Variants in ANKRD13A observed in about 807,000 individuals in gnomAD.
The protein encoded by ANKRD13A is ankyrin repeat domain 13A, also known as ankyrin repeat domain-containing protein 13A.
Under a neutral mutation model 81.3 loss-of-function variants are expected in ANKRD13A, and 48 were observed. The ratio of observed to expected loss-of-function variants is 0.59; its 90% confidence interval spans 0.47 to 0.75. ANKRD13A has a LOEUF of 0.75. ANKRD13A is among the 30% of genes least tolerant of loss of function. ANKRD13A has a pLI of 0.00. For synonymous variants in ANKRD13A, 230 were observed against 270.1 expected (o/e 0.85, Z 1.45); for missense variants, 612 against 734.0 (o/e 0.83, Z 1.92).
chr12:110,025,685 T>C, intron 7 of ANKRD13A, 57 bp from the exon 8 acceptor site: 4 of 1,365,778 alleles, frequency 2.9e-6, no homozygotes, highest in Non-Finnish European at 4.1e-6. Context: ...TTTGCTGTGC[T>C]TACTTTTGGA....
chr12:110,021,042 G>A, intron 6 of ANKRD13A: 1 of 434,156 alleles, frequency 2.3e-6, no homozygotes, highest in Non-Finnish European at 4.7e-6. Context: ...GAGTATAAAT[G>A]GGAAATGATA....
chr12:110,024,176 C>G (rs1891210367), intron 7 of ANKRD13A, 64 bp downstream of exon 7: 5 of 1,446,136 alleles, frequency 3.5e-6, no homozygotes, highest in Non-Finnish European at 4.7e-6. Context: ...AATGAGGAAT[C>G]TGTTCCCATT....
chr12:110,016,561 A>C (rs1890814754), intron 4 of ANKRD13A, 128 bp downstream of exon 4: 1 of 847,626 alleles, frequency 1.2e-6, no homozygotes, highest in Admixed American at 3.0e-5. Context: ...GTGAAGAATA[A>C]GGAAAAATAA....
chr12:109,999,882 G>C lies in ANKRD13A; in HGVS notation c.96+98G>C. ...CCCATTTCCAGCCCTCTGTCCCCGG[G>C]ATCCCCAGACCCCTTCCACTTTGCA... On this transcript the variant is annotated intron_variant, in intron 1 of 14. Transcript: ENST00000261739. This position sits in a 1 kb window ranked among gnomAD's most constrained non-coding sequence, Gnocchi z 4.3. 1 of 1,145,660 alleles carries C rather than the reference G, an allele frequency of 8.7e-7. No homozygotes were observed. The highest frequency in any genetic ancestry group is 1.6e-5 in the South Asian group (1 of 62,262). The allele number at this position is 1,145,660 out of a possible 1,614,324, so 71.0% of individuals were successfully genotyped here.
In ANKRD13A at chr12:110,018,325, A is replaced by T; in HGVS notation, c.401-20A>T. On this transcript the variant is annotated intron_variant, in intron 4 of 14. Transcript: ENST00000261739. This position sits in a 1 kb window ranked among gnomAD's most constrained non-coding sequence, Gnocchi z 4.4. ...TCTTGGCCCTTGAGTTTTTCTCAGTAGTACACTTCTCTCCTCCAGTGCCCT... is the reference window on the plus strand; with the variant it reads ...TCTTGGCCCTTGAGTTTTTCTCAGTTGTACACTTCTCTCCTCCAGTGCCCT... 6.2e-7 allele frequency: 1 copy of T among 1,612,976 alleles called. No individual in the cohort carries two copies. The highest frequency in any genetic ancestry group is 8.5e-7 in the Non-Finnish European group (1 of 1,179,318).
chr12:110,024,106 A>C lies in ANKRD13A; in HGVS notation c.795A>C (p.Glu265Asp). ...AAGCAGAAGTTGTTAATGGTTACGA[A>C]GCAAAGGTAAAAGGAAACTCTTAAA... is the stretch of plus-strand genomic sequence containing the variant. ...TDKAEVVNGY[E>D]AKVYTVNNVN... Residue 265 changes from glutamate to aspartate, a missense_variant, in exon 7 of 15, where the codon GAA (glutamate) becomes GAC (aspartate). Glu to Asp is a conservative substitution (Grantham distance 45). Transcript: ENST00000261739. 1 of 1,605,704 alleles carries C rather than the reference A, an allele frequency of 6.2e-7. No individual in the cohort carries two copies. Among genetic ancestry groups the C allele is most frequent in the South Asian group, 1.1e-5 (1 of 89,238 alleles).
At chr12:110,037,043 G>A (rs2137195809) in intron 14 of ANKRD13A, among the ~76,000 whole-genome samples, 1 of 152,330 alleles carries the variant, frequency 6.6e-6, no homozygotes, top group African/African-American at 2.4e-5. Flanking sequence ...AAAACCGCGA[G>A]GATTCATTTT....
In ANKRD13A at chr12:110,030,625, G is replaced by T. The variant is rs1355346960; in HGVS notation, c.1235-20G>T. The stretch of plus-strand genomic sequence containing the variant: ...TTCTCAGTAAAGTTTACTTATAAAA[G>T]TTTTTATTTTGTTTGTTAGAAATTC... On this transcript the variant is annotated intron_variant, in intron 11 of 14. Transcript: ENST00000261739. 2.0e-6 allele frequency: 3 copies of T among 1,478,742 alleles called. No homozygotes were observed. In the African/African-American group the frequency reaches 4.3e-5, roughly 21 times the overall value. The allele number at this position is 1,478,742 out of a possible 1,614,324, so 91.6% of individuals were successfully genotyped here. A position where few individuals can be genotyped will look rare whatever the true frequency, so the allele number is the denominator to read the frequency against.
Position 110,036,456 on chromosome 12 carries a change from C to A in ANKRD13A, c.1577+128C>A. 1.9e-6 allele frequency: 2 copies of A among 1,041,554 alleles called. No individual in the cohort carries two copies. The highest frequency in any genetic ancestry group is 3.0e-6 in the Non-Finnish European group (2 of 671,660). The allele number at this position is 1,041,554 out of a possible 1,614,324, so 64.5% of individuals were successfully genotyped here. On this transcript the variant is annotated intron_variant, in intron 14 of 14. Coordinates refer to ENST00000261739, the MANE Select transcript of ANKRD13A (RefSeq NM_033121.2). This position sits in a 1 kb window ranked among gnomAD's most constrained non-coding sequence, Gnocchi z 4.6. The stretch of plus-strand genomic sequence containing the variant: ...CGGTGCCACAAACTGGCAGGAAAGA[C>A]TAGAAAAAGTAGGCCAGGAGCGGTG...
Position 109,999,591 on chromosome 12 carries a change from T to C in ANKRD13A, c.-98T>C, listed in dbSNP as rs1254650473. The C allele has an allele frequency of 2.1e-5, 22 of 1,034,600 alleles. No homozygotes were observed. The highest frequency in any genetic ancestry group is 2.9e-5 in the Non-Finnish European group (22 of 753,514). The allele number at this position is 1,034,600 out of a possible 1,614,324, so 64.1% of individuals were successfully genotyped here. A position where few individuals can be genotyped will look rare whatever the true frequency, so the allele number is the denominator to read the frequency against. ...GCAGCGTAACACGCCCTACGCTCGC[T>C]TGCTCGCCGGCCTCAGGGCAGGCAG... On this transcript the variant is annotated 5_prime_UTR_variant, in exon 1 of 15. Coordinates refer to ENST00000261739, the MANE Select transcript of ANKRD13A (RefSeq NM_033121.2). The surrounding 1 kb of genome is among the most constrained non-coding windows in gnomAD (Gnocchi z 4.3).
chr12:110,028,011 A>G, intron 9 of ANKRD13A: 1 of 506,500 alleles, frequency 2.0e-6, no homozygotes, highest in East Asian at 3.3e-5. Context: ...ATCCATTATA[A>G]ACGAGGGGCC....
chr12:110,025,828 T>G lies in ANKRD13A; in HGVS notation c.883+5T>G, dbSNP rs781264394. ...AGGAAAAAAAGAGATATAAAGGTAATCACCACCACCCTCCCACCTCCTGTT... is the reference window on the plus strand; with the variant it reads ...AGGAAAAAAAGAGATATAAAGGTAAGCACCACCACCCTCCCACCTCCTGTT... On this transcript the variant is annotated splice_donor_5th_base_variant and intron_variant, in intron 8 of 14. Coordinates refer to ENST00000261739, the MANE Select transcript of ANKRD13A (RefSeq NM_033121.2). 10 of 1,611,674 alleles carry G rather than the reference T, an allele frequency of 6.2e-6. No homozygotes were observed. The Admixed American group carries it at 1.7e-4, about 27-fold the overall frequency.
At chr12:110,023,942 T>C in intron 6 of ANKRD13A, 104 bp from the exon 7 acceptor site, 1 of 1,152,608 alleles carries the variant, frequency 8.7e-7, no homozygotes. Context: ...CCAAGTGTCC[T>C]TCACTAACTT....
intron 3 of ANKRD13A, among the ~76,000 whole-genome samples, chr12:110,014,039 G>A (rs975934528): frequency 1.6e-4 from 25 of 152,064 alleles, no homozygotes; most frequent in Middle Eastern, 3.2e-3. Flanking sequence ...TTAGTATTTC[G>A]AGACCTTTAG....
At position 110,018,417 on chromosome 12, in the gene ANKRD13A, A is replaced by G; in HGVS notation, c.473A>G (p.Asp158Gly). The G allele has an allele frequency of 6.2e-7, 1 of 1,614,164 alleles. No individual in the cohort carries two copies. Among genetic ancestry groups the G allele is most frequent in the East Asian group, 2.2e-5 (1 of 44,890 alleles). ...AAAAGTGGTGCCAAACTGCGCGTCG[A>G]TATCACATTGCTGGGATTTGAAAAC... ...IWKSGAKLRV[D>G]ITLLGFENMS... Residue 158 changes from aspartate to glycine, a missense_variant, in exon 5 of 15, where the codon GAT (aspartate) becomes GGT (glycine). Physicochemically the swap from Asp to Gly is moderately conservative, Grantham distance 94. Transcript: ENST00000261739. The surrounding 1 kb of genome is among the most constrained non-coding windows in gnomAD (Gnocchi z 4.4).
chr12:110,036,737 G>A lies in ANKRD13A; in HGVS notation c.1577+409G>A, dbSNP rs902108053. ...TGCACTCCAGCCTGGGCGATAGAGC[G>A]AGACTCCGTCTCAAAAAAAAAAAAG... On this transcript the variant is annotated intron_variant, in intron 14 of 14. Transcript: ENST00000261739. The surrounding 1 kb of genome is among the most constrained non-coding windows in gnomAD (Gnocchi z 4.6). 1.3e-5 allele frequency among the ~76,000 whole-genome samples: 2 copies of A among 151,578 alleles called. No homozygotes were observed. Among genetic ancestry groups the A allele is most frequent in the African/African-American group, 2.4e-5 (1 of 41,110 alleles).
At chr12:110,020,355 A>T (rs1267858566) in intron 6 of ANKRD13A, among the ~76,000 whole-genome samples, 1 of 152,188 alleles carries the variant, frequency 6.6e-6, no homozygotes, top group African/African-American at 2.4e-5. Flanking sequence ...TTTTCTTTCT[A>T]GTATAAAATT....
At chr12:110,024,135 AG>A in intron 7 of ANKRD13A, 23 bp downstream of exon 7, 1 of 1,580,228 alleles carries the variant, frequency 6.3e-7, no homozygotes, top group Non-Finnish European at 8.6e-7. Flanking sequence ...TCTTAAAATA[AG>A]ATTTAATATA....
At chr12:110,003,482 A>G (rs981324202) in intron 1 of ANKRD13A, among the ~76,000 whole-genome samples, 1 of 152,206 alleles carries the variant, frequency 6.6e-6, no homozygotes, top group Admixed American at 6.5e-5. Context: ...TCCTGTTTCC[A>G]CTGACTCAGC....
Sources: gnomAD v4.1 joint callset for allele counts (sites outside exome capture counted in the v4.1 genomes callset) on GRCh38, gnomAD v4.1.1 for gene constraint, Gnocchi (gnomAD v3.1) non-coding constraint, MANE v1.5 for transcripts, NCBI Gene and HGNC (gene_info 2026-07-23, HGNC 2026-07-21) for gene names.